Variants in MAP1S observed in about 807,000 individuals in gnomAD.
The protein encoded by MAP1S is microtubule associated protein 1S.
In MAP1S, 27 loss-of-function variants were observed where a neutral mutation model predicts 60.9. The observed-to-expected ratio is 0.44, with a 90% CI of 0.33 to 0.61. The LOEUF is 0.61. Among genes scored for constraint, MAP1S ranks in the 20% least tolerant of loss-of-function variants. The pLI is 0.03. For synonymous variants in MAP1S, 826 were observed against 694.2 expected, an observed-to-expected ratio of 1.19 and a Z score of -2.98; for missense variants, 1,608 against 1,486.6, an observed-to-expected ratio of 1.08 and a Z score of -1.34.
chr19:17,724,449 G>A (rs1195340872), intron 3 of MAP1S, among the ~76,000 whole-genome samples: 2 of 152,160 alleles, frequency 1.3e-5, no homozygotes, highest in Admixed American at 1.3e-4. Context: ...CCAGCTCAGG[G>A]CCCAGGACAG....
rs2080454327 is a variant in MAP1S at position 17,727,812 on chromosome 19, G to C, written c.2428G>C (p.Asp810His). 2 of 1,613,294 alleles carry C rather than the reference G, an allele frequency of 1.2e-6. No homozygotes were observed. The highest frequency in any genetic ancestry group is 3.3e-4 in the Middle Eastern group (2 of 6,060). Residue 810 changes from aspartate (D) to histidine (H), a missense_variant, in exon 5 of 7, where the codon GAC (aspartate) becomes CAC (histidine). By Grantham distance (81) the Asp-to-His change is moderately conservative. Around this residue, in one of 4 missense-constraint regions of MAP1S, gnomAD observed 1,167 missense variants for 961.4 expected, o/e 1.21. Coordinates refer to ENST00000324096, the MANE Select transcript of MAP1S (RefSeq NM_018174.6). This position sits in a 1 kb window ranked among gnomAD's most constrained non-coding sequence, Gnocchi z 4.1. ...CCTGGCCCCCGGTGCGGCAGACTCA[G>C]ACGAAGACACAGAGGGCTTTGGAGT... ...VPLAPGAADS[D>H]EDTEGFGVPR...
At chr19:17,723,774 C>T (rs1040011968) in intron 2 of MAP1S, among the ~76,000 whole-genome samples, 2 of 151,954 alleles carry the variant, frequency 1.3e-5, no homozygotes, top group African/African-American at 2.4e-5. Context: ...GGCGTGAACC[C>T]GGGAGGAGGA....
chr19:17,725,410 A>G lies in MAP1S; in HGVS notation c.444+221A>G, dbSNP rs925892203. Among the ~76,000 whole-genome samples the G allele has an allele frequency of 1.3e-5, 2 of 152,174 alleles. No individual in the cohort carries two copies. The highest frequency in any genetic ancestry group is 2.4e-5 in the African/African-American group (1 of 41,444). On this transcript the variant is annotated intron_variant, in intron 4 of 6. Transcript: ENST00000324096. This position sits in a 1 kb window ranked among gnomAD's most constrained non-coding sequence, Gnocchi z 4.2. ...GAGTTTGTAGGTCAGCAGATGTCCC[A>G]AAGTCCTGATGAGGGATGGAGCCAA...
chr19:17,724,131 C>A lies in MAP1S; in HGVS notation c.226C>A (p.Arg76=), dbSNP rs369085181. The change falls in exon 3 of 7, where the codon CGG becomes AGG. Residue 76 remains arginine (R), a synonymous_variant. Transcript: ENST00000324096. ...ATFSSIVKGQ[R]SLHHRGDNLE... ...ACGGCCTGATTCCCCCACAGGCCAG[C>A]GGAGCCTGCACCACCGTGGAGACAA... 1.9e-6 allele frequency: 3 copies of A among 1,613,464 alleles called. No individual in the cohort carries two copies. The highest frequency in any genetic ancestry group is 3.3e-5 in the Admixed American group (2 of 59,984).
At chr19:17,728,310 T>C (rs1294953454) in intron 5 of MAP1S, 138 bp downstream of exon 5, 2 of 987,498 alleles carry the variant, frequency 2.0e-6, no homozygotes, top group Admixed American at 3.0e-5. Context: ...AGTGCAGTGG[T>C]GTGGTCACAG....
At chr19:17,721,826 G>C (rs1332066884) in intron 2 of MAP1S, among the ~76,000 whole-genome samples, 1 of 152,164 alleles carries the variant, frequency 6.6e-6, no homozygotes, top group East Asian at 1.9e-4. Flanking sequence ...AACTGAAAAG[G>C]AGTGAGATCA....
intron 2 of MAP1S, among the ~76,000 whole-genome samples, chr19:17,723,005 C>T (rs1365042509): frequency 6.6e-6 from 1 of 152,146 alleles, no homozygotes; most frequent in Non-Finnish European, 1.5e-5. Flanking sequence ...TCCGGGTTGG[C>T]CCTCACCGGC....
chr19:17,722,780 A>AG (rs2080382582), intron 2 of MAP1S, among the ~76,000 whole-genome samples: 1 of 72,616 alleles, frequency 1.4e-5, no homozygotes, highest in South Asian at 5.4e-4. Context: ...GGAGGGAGGG[A>AG]GGGAGGGGGA....
chr19:17,733,207 CG>C lies in MAP1S; in HGVS notation c.2805del (p.Val938CysfsTer72). On this transcript the variant is annotated frameshift_variant, in exon 6 of 7. Transcript: ENST00000324096. LOFTEE classifies it high-confidence loss of function. ...CCCGCCCGCAGGGTCAGCCAGCAGC[CG>C]GCCCGGGGTGTCAGCCACCCCACCC... ...TRGPSGSASS[R>X]PGVSATPPKS... 6.5e-7 allele frequency: 1 copy of C among 1,538,954 alleles called. No individual in the cohort carries two copies. The highest frequency in any genetic ancestry group is 8.8e-7 in the Non-Finnish European group (1 of 1,140,476).
chr19:17,727,288 G>A lies in MAP1S; in HGVS notation c.1904G>A (p.Arg635Lys). The A allele has an allele frequency of 6.3e-7, 1 of 1,588,180 alleles. No homozygotes were observed. The highest frequency in any genetic ancestry group is 8.5e-7 in the Non-Finnish European group (1 of 1,172,604). ...ELPLAASSIP[R>K]PRTPSPESHR... is the part of the protein sequence containing the mutation. ...CCTTTGGCCGCCAGCTCAATCCCAA[G>A]GCCACGCACACCCTCCCCTGAGTCC... Residue 635 changes from arginine to lysine, a missense_variant, in exon 5 of 7, where the codon AGG (arginine) becomes AAG (lysine). Physicochemically the swap from Arg to Lys is conservative, Grantham distance 26. This residue lies in a region of MAP1S where 1,167 missense variants were observed against 961.4 expected (regional missense o/e 1.21). Transcript: ENST00000324096. This position sits in a 1 kb window ranked among gnomAD's most constrained non-coding sequence, Gnocchi z 4.1.
chr19:17,732,918 G>A, intron 5 of MAP1S: 1 of 461,220 alleles, frequency 2.2e-6, no homozygotes, highest in Non-Finnish European at 3.8e-6. Context: ...AAGGCGTGGT[G>A]ACATGCACCT....
chr19:17,733,042 T>G, intron 5 of MAP1S, 151 bp from the exon 6 acceptor site: 1 of 574,360 alleles, frequency 1.7e-6, no homozygotes, highest in Non-Finnish European at 3.1e-6. Context: ...TTCACTGGAG[T>G]CATGAGCGCA....
intron 5 of MAP1S, among the ~76,000 whole-genome samples, chr19:17,731,693 TCTCA>T (rs1173351249): frequency 6.6e-6 from 1 of 152,160 alleles, no homozygotes; most frequent in Non-Finnish European, 1.5e-5. Context: ...TGAGATGGAG[TCTCA>T]CTCTGTCGCC....
At position 17,719,592 on chromosome 19, in the gene MAP1S, C is replaced by T; in HGVS notation, c.90C>T (p.Leu30=). Residue 30 remains leucine (L), a synonymous_variant, in exon 1 of 7, where the codon CTC becomes CTT. Transcript: ENST00000324096. ...VGSEFGSPGL[L]TYVLEELERG... ...GCGAGTTCGGGAGCCCGGGGCTCCT[C>T]ACCTACGTCCTGGAGGAGCTCGAAA... 1 of 1,245,156 alleles carries T rather than the reference C, an allele frequency of 8.0e-7. No individual in the cohort carries two copies. Among genetic ancestry groups the T allele is most frequent in the African/African-American group, 1.6e-5 (1 of 64,460 alleles). 77.1% of individuals were successfully genotyped at this position (1,245,156 alleles called of 1,614,324 possible). A position where few individuals can be genotyped will look rare whatever the true frequency, so the allele number is the denominator to read the frequency against.
rs1350788237 is a variant in MAP1S at position 17,726,323 on chromosome 19, C to T, written c.939C>T (p.Ser313=). 1.9e-6 allele frequency: 3 copies of T among 1,604,068 alleles called. No homozygotes were observed. Among genetic ancestry groups the T allele is most frequent in the Non-Finnish European group, 2.5e-6 (3 of 1,178,460 alleles). Residue 313 remains serine, a synonymous_variant, in exon 5 of 7, where the codon TCC becomes TCT. Coordinates refer to ENST00000324096, the MANE Select transcript of MAP1S (RefSeq NM_018174.6). ...SLLRRKLAER[S]EVAAGGGSWD... ...TGCGGCGCAAACTGGCGGAGCGCTC[C>T]GAGGTGGCTGCTGGTGGGGGCTCCT...
intron 2 of MAP1S, among the ~76,000 whole-genome samples, chr19:17,723,337 A>G (rs2080387804): frequency 1.3e-5 from 2 of 151,662 alleles, no homozygotes; most frequent in South Asian, 4.2e-4. Flanking sequence ...ACCTGAGGTC[A>G]GGAGTTTGAG....
At chr19:17,724,267 C>A in intron 3 of MAP1S, 59 bp downstream of exon 3, 1 of 1,383,598 alleles carries the variant, frequency 7.2e-7, no homozygotes, top group Non-Finnish European at 1.0e-6. Flanking sequence ...CCTTCTCTGT[C>A]TTCCTGTCTC....
intron 5 of MAP1S, among the ~76,000 whole-genome samples, chr19:17,729,239 C>G (rs1042705830): frequency 6.6e-6 from 1 of 152,176 alleles, no homozygotes; most frequent in Non-Finnish European, 1.5e-5. Context: ...CAAGTTGTAA[C>G]AGTGTGTCCC....
rs2080519152 is a variant in MAP1S, at chr19:17,734,267, C to G, written c.3025-6C>G. 1.2e-6 allele frequency: 2 copies of G among 1,609,736 alleles called. No individual in the cohort carries two copies. The highest frequency in any genetic ancestry group is 1.7e-4 in the Middle Eastern group (1 of 6,018). ...CTCTCCCCACACACCCCCCCTCCACCTGCAGGTGACCCTGATCCCCACTTT... is the reference window on the plus strand; with the variant it reads ...CTCTCCCCACACACCCCCCCTCCACGTGCAGGTGACCCTGATCCCCACTTT... On this transcript the variant is annotated splice_polypyrimidine_tract_variant and splice_region_variant and intron_variant, in intron 6 of 6. Transcript: ENST00000324096.
Sources: gnomAD v4.1 joint callset for allele counts (sites outside exome capture counted in the v4.1 genomes callset) on GRCh38, gnomAD v4.1.1 for gene constraint, gnomAD v4.1.1 regional missense constraint, Gnocchi (gnomAD v3.1) non-coding constraint, MANE v1.5 for transcripts, NCBI Gene and HGNC (gene_info 2026-07-23, HGNC 2026-07-21) for gene names.